Variants in CALN1 observed in about 807,000 individuals in gnomAD.
The protein encoded by CALN1 is calcium-binding protein 8.
A neutral mutation model predicts 30.6 loss-of-function variants in CALN1; 17 were observed. The ratio of observed to expected loss-of-function variants is 0.56; its 90% CI spans 0.38 to 0.83. The LOEUF (loss-of-function observed/expected upper bound fraction) is 0.83. Among genes scored for constraint, CALN1 ranks in the 40% least tolerant of loss-of-function variants. The probability of loss-of-function intolerance (pLI) is 0.00; values close to 1 mark genes in which losing one functional copy is unlikely to be tolerated. For missense variants in CALN1, 291 were observed against 354.9 expected (o/e 0.82, Z 1.45); for synonymous variants, 156 against 131.4 (o/e 1.19, Z -1.28).
intron 3 of CALN1, among the ~76,000 whole-genome samples, chr7:72,158,755 G>A (rs563039439): frequency 6.6e-6 from 1 of 152,314 alleles, no homozygotes; most frequent in African/African-American, 2.4e-5. Flanking sequence ...GGAGCGAGTA[G>A]TTTGAAAGTA....
chr7:72,477,682 AAAGTGCT>A, the CALN1 span, among the ~76,000 whole-genome samples: 4 of 152,228 alleles, frequency 2.6e-5, no homozygotes, highest in South Asian at 8.3e-4. Flanking sequence ...TTGGCTTCCC[AAAGTGCT>A]AAGTCTACAG....
chr7:72,157,767 G>A (rs528624340), intron 3 of CALN1, among the ~76,000 whole-genome samples: 1 of 152,220 alleles, frequency 6.6e-6, no homozygotes, highest in East Asian at 1.9e-4. Context: ...GTTTTTGAAA[G>A]AGTTTTGCTC....
At chr7:72,270,099 G>C (rs1796877059) in intron 3 of CALN1, among the ~76,000 whole-genome samples, 1 of 151,986 alleles carries the variant, frequency 6.6e-6, no homozygotes, top group Non-Finnish European at 1.5e-5. Context: ...TTCCGTGTGT[G>C]TGTGTGTGTA....
intron 5 of CALN1, among the ~76,000 whole-genome samples, chr7:71,935,805 A>G (rs774917416): frequency 2.6e-5 from 4 of 152,180 alleles, no homozygotes; most frequent in Non-Finnish European, 5.9e-5. Flanking sequence ...TTCAGCTGTG[A>G]GTGAAATGAA....
chr7:71,877,945 A>G (rs1792344621), intron 5 of CALN1, among the ~76,000 whole-genome samples: 1 of 152,166 alleles, frequency 6.6e-6, no homozygotes, highest in African/African-American at 2.4e-5. Context: ...ATGCATCAGG[A>G]TTTGCTGGAG....
intron 3 of CALN1, among the ~76,000 whole-genome samples, chr7:72,258,709 G>A (rs137959760): frequency 4.6e-5 from 7 of 152,214 alleles, no homozygotes; most frequent in Middle Eastern, 3.4e-3. Context: ...CCCAAGGTCA[G>A]GAGTTCAAGA....
At chr7:72,064,482 C>A (rs1017064320) in intron 4 of CALN1, among the ~76,000 whole-genome samples, 3 of 152,100 alleles carry the variant, frequency 2.0e-5, no homozygotes, top group Non-Finnish European at 2.9e-5. Context: ...CTAAACAGCT[C>A]TATTAGATTG....
intron 4 of CALN1, among the ~76,000 whole-genome samples, chr7:72,027,523 C>T (rs1447119880): frequency 1.3e-5 from 2 of 151,320 alleles, no homozygotes; most frequent in Non-Finnish European, 2.9e-5. Flanking sequence ...CCAGCTTGGG[C>T]AACATGGTGA....
intron 5 of CALN1, among the ~76,000 whole-genome samples, chr7:71,922,680 T>C (rs1278723889): frequency 7.3e-6 from 1 of 137,400 alleles, no homozygotes; most frequent in Non-Finnish European, 1.5e-5. Context: ...CAGAATATAT[T>C]ATATATAAAT....
chr7:71,827,695 C>T (rs1047123150), intron 5 of CALN1, among the ~76,000 whole-genome samples: 5 of 151,856 alleles, frequency 3.3e-5, no homozygotes, highest in Non-Finnish European at 4.4e-5. Context: ...TTGCTTGAAC[C>T]TGGGAGGCAG....
intron 5 of CALN1, among the ~76,000 whole-genome samples, chr7:71,955,830 A>G (rs960973602): frequency 2.0e-5 from 3 of 151,898 alleles, no homozygotes; most frequent in African/African-American, 7.2e-5. Context: ...CTCTGGGAGG[A>G]AAGTCAGAAG....
intron 2 of CALN1, among the ~76,000 whole-genome samples, chr7:72,282,729 C>G (rs1211923298): frequency 1.3e-5 from 2 of 152,154 alleles, no homozygotes; most frequent in African/African-American, 4.8e-5. Flanking sequence ...GTATTTGTTA[C>G]AGCAGTAGAA....
intron 5 of CALN1, among the ~76,000 whole-genome samples, chr7:71,921,194 A>G (rs960286576): frequency 6.6e-6 from 1 of 152,064 alleles, no homozygotes; most frequent in Admixed American, 6.6e-5. Flanking sequence ...TCACACACAC[A>G]CACCGCAGCC....
intron 2 of CALN1, among the ~76,000 whole-genome samples, chr7:72,347,073 A>G (rs968200618): frequency 2.6e-5 from 4 of 152,152 alleles, no homozygotes; most frequent in African/African-American, 7.2e-5. Context: ...AAGGGGAGAA[A>G]GAATGGGGTG....
At chr7:72,311,980 G>A (rs527278697) in intron 2 of CALN1, among the ~76,000 whole-genome samples, 1 of 152,164 alleles carries the variant, frequency 6.6e-6, no homozygotes, top group African/African-American at 2.4e-5. Flanking sequence ...AGACCCAGTG[G>A]CAGAAGCAAC....
At chr7:71,795,462 TTAATTAAGATA>T (rs1358898580) in intron 6 of CALN1, among the ~76,000 whole-genome samples, 1 of 152,214 alleles carries the variant, frequency 6.6e-6, no homozygotes, top group East Asian at 1.9e-4. Context: ...TTATTTATTT[TTAATTAAGATA>T]TAGTTCACAT....
chr7:71,840,484 TTAAAA>T (rs1789871542), intron 5 of CALN1, among the ~76,000 whole-genome samples: 1 of 84,184 alleles, frequency 1.2e-5, no homozygotes, highest in South Asian at 5.4e-4. Flanking sequence ...GATGCTCTCT[TTAAAA>T]AAAAAAAAAA....
In CALN1 at chr7:71,787,911, G is replaced by A. The variant is rs1334254867; in HGVS notation, c.659-9C>T. 6.2e-7 allele frequency: 1 copy of A among 1,614,014 alleles called. No homozygotes were observed. The highest frequency in any genetic ancestry group is 1.1e-5 in the South Asian group (1 of 91,076). On this transcript the variant is annotated splice_polypyrimidine_tract_variant and intron_variant, in intron 6 of 6. Transcript: ENST00000395275. ...CTGCTTCTGGGAATGCACTGGTGGT[G>A]GGAGAAGCAGGTGTGGGAAGAAGGA...
chr7:72,145,665 C>CA (rs1213225111), intron 3 of CALN1, among the ~76,000 whole-genome samples: 1 of 151,936 alleles, frequency 6.6e-6, no homozygotes, highest in African/African-American at 2.4e-5. Flanking sequence ...AGAGACACAA[C>CA]AAAAAAAGAG....
Sources: gnomAD v4.1 joint callset for allele counts (sites outside exome capture counted in the v4.1 genomes callset) on GRCh38, gnomAD v4.1.1 for gene constraint, MANE v1.5 for transcripts, NCBI Gene and HGNC (gene_info 2026-07-23, HGNC 2026-07-21) for gene names.